Variants in ARSK observed in about 807,000 individuals in gnomAD.
ARSK encodes the protein arylsulfatase family member K.
Under a neutral mutation model 53.2 loss-of-function variants are expected in ARSK, and 37 were observed. The ratio of observed to expected loss-of-function variants is 0.70; its 90% CI spans 0.54 to 0.92. The LOEUF (loss-of-function observed/expected upper bound fraction) is 0.92. Among genes scored for constraint, ARSK ranks in the 40% least tolerant of loss-of-function variants. The probability of loss-of-function intolerance (pLI) is 0.00; values close to 1 mark genes in which losing one functional copy is unlikely to be tolerated. For missense variants in ARSK, 613 were observed against 643.0 expected (o/e 0.95, Z 0.51); for synonymous variants, 208 against 223.2 (o/e 0.93, Z 0.61).
chr5:95,595,325 A>G (rs1032936351), intron 6 of ARSK, among the ~76,000 whole-genome samples: 3 of 152,238 alleles, frequency 2.0e-5, no homozygotes, highest in African/African-American at 7.2e-5. Context: ...CAGCAATCCC[A>G]TTACTGGGTA....
chr5:95,562,210 C>T (rs1748647791), intron 1 of ARSK, among the ~76,000 whole-genome samples: 1 of 145,058 alleles, frequency 6.9e-6, no homozygotes, highest in Non-Finnish European at 1.5e-5. Context: ...GTCTCTGTCT[C>T]AAAAAAAATA....
chr5:95,599,607 G>C (rs896330061), intron 6 of ARSK, among the ~76,000 whole-genome samples: 9 of 152,094 alleles, frequency 5.9e-5, no homozygotes, highest in Non-Finnish European at 1.2e-4. Flanking sequence ...TTTTTAACCA[G>C]TCACCTCTGA....
intron 3 of ARSK, among the ~76,000 whole-genome samples, chr5:95,575,068 C>T (rs1230559161): frequency 6.6e-6 from 1 of 152,110 alleles, no homozygotes; most frequent in Non-Finnish European, 1.5e-5. Context: ...GTATGGATAT[C>T]CAGTTTTCCC....
intron 2 of ARSK, among the ~76,000 whole-genome samples, chr5:95,567,077 C>A (rs558863802): frequency 6.6e-6 from 1 of 152,278 alleles, no homozygotes; most frequent in South Asian, 2.1e-4. Flanking sequence ...GTCACTCAGT[C>A]TTCTTATCTG....
chr5:95,555,239 C>T lies in ARSK; in HGVS notation c.-40C>T. 6.5e-7 allele frequency: 1 copy of T among 1,546,284 alleles called. No homozygotes were observed. Among genetic ancestry groups the T allele is most frequent in the Non-Finnish European group, 8.7e-7 (1 of 1,145,894 alleles). Reference sequence around the variant, plus strand: ...CTAGGGAGAGAACGCCAGAGGGAGGCGGCTGGCCCGGCGGCAGGCTCTCAG... The same window carrying T: ...CTAGGGAGAGAACGCCAGAGGGAGGTGGCTGGCCCGGCGGCAGGCTCTCAG... On this transcript the variant is annotated 5_prime_UTR_variant, in exon 1 of 8. Transcript: ENST00000380009. This position sits in a 1 kb window ranked among gnomAD's most constrained non-coding sequence, Gnocchi z 4.0.
intron 1 of ARSK, among the ~76,000 whole-genome samples, chr5:95,559,121 A>G (rs1291082793): frequency 6.6e-6 from 1 of 152,224 alleles, no homozygotes; most frequent in African/African-American, 2.4e-5. Flanking sequence ...AGCATGGACA[A>G]AAGAGCAAGA....
At chr5:95,557,283 A>G (rs1189684054) in intron 1 of ARSK, among the ~76,000 whole-genome samples, 1 of 152,134 alleles carries the variant, frequency 6.6e-6, no homozygotes, top group Admixed American at 6.5e-5. Flanking sequence ...AGACCTTTCC[A>G]GTGGACAAAT....
rs755155962 is a variant in ARSK at position 95,586,599 on chromosome 5, C to G, written c.737C>G (p.Pro246Arg). 6.2e-7 allele frequency: 1 copy of G among 1,611,856 alleles called. No homozygotes were observed. Among genetic ancestry groups the G allele is most frequent in the East Asian group, 2.2e-5 (1 of 44,750 alleles). ...HDAIKIPKWS[P>R]LSEMHPVDYY... ...GCCATCAAAATCCCAAAGTGGTCAC[C>G]TTTGTCAGAAATGCACCCTGTAGAT... is the stretch of plus-strand genomic sequence containing the variant. Residue 246 changes from proline (P) to arginine (R), a missense_variant, in exon 5 of 8, where the codon CCT (proline) becomes CGT (arginine). Coordinates refer to ENST00000380009, the MANE Select transcript of ARSK (RefSeq NM_198150.3).
intron 6 of ARSK, among the ~76,000 whole-genome samples, chr5:95,592,130 T>G (rs1398008679): frequency 6.6e-6 from 1 of 152,212 alleles, no homozygotes; most frequent in East Asian, 1.9e-4. Context: ...TAGTTAGCAG[T>G]TTTTGTTGAA....
At chr5:95,561,058 C>G (rs1020062241) in intron 1 of ARSK, among the ~76,000 whole-genome samples, 1 of 152,176 alleles carries the variant, frequency 6.6e-6, no homozygotes, top group African/African-American at 2.4e-5. Context: ...ATATACCCGC[C>G]TAGGCCTCCC....
intron 3 of ARSK, among the ~76,000 whole-genome samples, chr5:95,572,941 C>T (rs1012561921): frequency 6.6e-6 from 1 of 152,166 alleles, no homozygotes. Context: ...TGTCTGGAGA[C>T]ATTTTTGGTT....
intron 3 of ARSK, chr5:95,580,828 C>A: frequency 1.1e-6 from 1 of 917,784 alleles, no homozygotes; most frequent in Non-Finnish European, 1.5e-6. Flanking sequence ...CTGAATACAT[C>A]ACTTTATACT....
intron 6 of ARSK, among the ~76,000 whole-genome samples, chr5:95,599,990 C>T (rs778652651): frequency 2.2e-4 from 34 of 152,186 alleles, no homozygotes; most frequent in Non-Finnish European, 1.8e-4. Flanking sequence ...CATTTTGGAA[C>T]AACCCTAATT....
Position 95,600,868 on chromosome 5 carries a change from C to T in ARSK, c.1118C>T (p.Pro373Leu). 1 of 1,613,928 alleles carries T rather than the reference C, an allele frequency of 6.2e-7. No individual in the cohort carries two copies. The highest frequency in any genetic ancestry group is 8.5e-7 in the Non-Finnish European group (1 of 1,179,864). The change falls in exon 7 of 8, where the codon CCT becomes CTT. Residue 373 changes from proline to leucine, a missense_variant. Pro to Leu is a moderately conservative substitution (Grantham distance 98). Coordinates refer to ENST00000380009, the MANE Select transcript of ARSK (RefSeq NM_198150.3). ...ATAGATATTGCTGGAATTCCTCTGC[C>T]TCAGAACCTGAGTGGATACTCTTTG... is the stretch of plus-strand genomic sequence containing the variant. Reference protein sequence around the residue: ...TMLDIAGIPLPQNLSGYSLLP... With the variant: ...TMLDIAGIPLLQNLSGYSLLP...
intron 3 of ARSK, among the ~76,000 whole-genome samples, chr5:95,568,668 A>G (rs1428411365): frequency 6.6e-6 from 1 of 152,208 alleles, no homozygotes; most frequent in Non-Finnish European, 1.5e-5. Flanking sequence ...AGGAGGCCTG[A>G]GACTGCTCTC....
intron 3 of ARSK, among the ~76,000 whole-genome samples, chr5:95,572,480 T>C (rs1011180948): frequency 6.6e-6 from 1 of 152,186 alleles, no homozygotes; most frequent in Admixed American, 6.5e-5. Context: ...TTCTTATCAA[T>C]TGAAAGAAAA....
intron 6 of ARSK, among the ~76,000 whole-genome samples, chr5:95,595,857 A>G (rs1301270503): frequency 6.6e-6 from 1 of 152,252 alleles, no homozygotes; most frequent in African/African-American, 2.4e-5. Context: ...ATTAATTTTA[A>G]CAAGTGAAAT....
chr5:95,591,408 T>C lies in ARSK; in HGVS notation c.879T>C (p.Ile293=). The C allele has an allele frequency of 6.2e-7, 1 of 1,608,786 alleles. No homozygotes were observed. Among genetic ancestry groups the C allele is most frequent in the Non-Finnish European group, 8.5e-7 (1 of 1,175,160 alleles). The change falls in exon 6 of 8, where the codon ATT becomes ATC. Residue 293 remains isoleucine, a synonymous_variant. Transcript: ENST00000380009. The part of the protein sequence containing the change: ...CAETDAMLGE[I]ILALHQLDLL... ...TCATGATTTCTATTGTAGGTGAAAT[T>C]ATTTTGGCCCTTCATCAATTAGATC...
intron 7 of ARSK, 79 bp from the exon 8 acceptor site, chr5:95,603,158 C>T (rs1749432864): frequency 9.1e-7 from 1 of 1,102,566 alleles, no homozygotes. Flanking sequence ...AAATCTAATA[C>T]ATTACCTGTC....
Sources: gnomAD v4.1 joint callset for allele counts (sites outside exome capture counted in the v4.1 genomes callset) on GRCh38, gnomAD v4.1.1 for gene constraint, Gnocchi (gnomAD v3.1) non-coding constraint, MANE v1.5 for transcripts, NCBI Gene and HGNC (gene_info 2026-07-23, HGNC 2026-07-21) for gene names.